Variants in COL22A1 observed in about 807,000 individuals in gnomAD.
COL22A1 encodes the protein collagen alpha-1(XXII) chain.
Under a neutral mutation model 248.9 loss-of-function variants are expected in COL22A1, and 221 were observed. That is an observed-to-expected ratio of 0.89 (90% CI 0.80 to 0.99). The LOEUF (loss-of-function observed/expected upper bound fraction) is 0.99, where lower values mean the gene tolerates loss of function less well. Ranked by LOEUF, COL22A1 falls within the 50% of genes least tolerant of loss-of-function variation. The pLI, the probability that COL22A1 is intolerant of heterozygous loss-of-function variation, is 0.00. For synonymous variants in COL22A1, 891 were observed against 793.4 expected (o/e 1.12, Z -2.07); for missense variants, 2,240 against 2,179.0 (o/e 1.03, Z -0.56).
Position 138,762,401 on chromosome 8 carries a change from G to A in COL22A1, c.1857+12C>T. On this transcript the variant is annotated intron_variant, in intron 17 of 64. Transcript: ENST00000303045. ...GATGAAACCTAGCCCAACAGCGCCA[G>A]CACCCACCTACCTGCTGTCCTGTGT... 6.2e-7 allele frequency: 1 copy of A among 1,613,794 alleles called. No individual in the cohort carries two copies. The highest frequency in any genetic ancestry group is 8.5e-7 in the Non-Finnish European group (1 of 1,179,770).
At chr8:138,593,281 C>A (rs1298310343) in intron 63 of COL22A1, among the ~76,000 whole-genome samples, 2 of 151,978 alleles carry the variant, frequency 1.3e-5, no homozygotes, top group African/African-American at 4.8e-5. Context: ...GGGCTTTAAA[C>A]CTAGATGACG....
At chr8:138,628,939 G>A (rs1415839515) in intron 50 of COL22A1, among the ~76,000 whole-genome samples, 2 of 151,716 alleles carry the variant, frequency 1.3e-5, no homozygotes, top group Non-Finnish European at 2.9e-5. Context: ...CTAATTTTTT[G>A]TATTTTTAGT....
At chr8:138,769,584 C>T (rs988438604) in intron 16 of COL22A1, among the ~76,000 whole-genome samples, 1 of 152,162 alleles carries the variant, frequency 6.6e-6, no homozygotes, top group African/African-American at 2.4e-5. Context: ...AGGAGCAGCA[C>T]ATCCTAAGGT....
chr8:138,693,514 C>A, intron 35 of COL22A1, 132 bp downstream of exon 35: 4 of 882,204 alleles, frequency 4.5e-6, no homozygotes, highest in South Asian at 4.4e-5. Context: ...ACCAACCACT[C>A]AAGTGTGGGT....
intron 13 of COL22A1, 131 bp from the exon 14 acceptor site, chr8:138,779,693 A>G (rs1814787284): frequency 1.6e-6 from 1 of 644,976 alleles, no homozygotes; most frequent in Non-Finnish European, 2.8e-6. Context: ...GGTAGCCACC[A>G]GTGAGCAGGG....
chr8:138,845,635 T>C (rs1051738577), intron 3 of COL22A1, among the ~76,000 whole-genome samples: 1 of 152,170 alleles, frequency 6.6e-6, no homozygotes, highest in Non-Finnish European at 1.5e-5. Flanking sequence ...GCTGAGTCCA[T>C]GCTGACTACA....
chr8:138,740,391 C>A (rs562311481), intron 22 of COL22A1, among the ~76,000 whole-genome samples: 1 of 152,128 alleles, frequency 6.6e-6, no homozygotes, highest in Admixed American at 6.5e-5. Flanking sequence ...CCGTTGTGGT[C>A]GGGGGATGAA....
At chr8:138,785,734 A>G (rs978566173) in intron 12 of COL22A1, among the ~76,000 whole-genome samples, 5 of 152,110 alleles carry the variant, frequency 3.3e-5, no homozygotes, top group Non-Finnish European at 7.4e-5. Context: ...GGTTCTTTCA[A>G]ATAGATGCCC....
intron 45 of COL22A1, 93 bp from the exon 46 acceptor site, chr8:138,649,871 AGATG>A: frequency 1.4e-6 from 1 of 723,646 alleles, no homozygotes; most frequent in South Asian, 2.0e-5. Flanking sequence ...CTATCTCTCC[AGATG>A]GAGATTTGGT....
chr8:138,595,691 T>C (rs1286140505), intron 62 of COL22A1, among the ~76,000 whole-genome samples: 1 of 151,942 alleles, frequency 6.6e-6, no homozygotes, highest in East Asian at 1.9e-4. Flanking sequence ...CCCTGGACAC[T>C]CCAAGAGGAC....
intron 23 of COL22A1, among the ~76,000 whole-genome samples, chr8:138,727,399 G>A (rs1830396994): frequency 6.6e-6 from 1 of 152,138 alleles, no homozygotes; most frequent in Non-Finnish European, 1.5e-5. Flanking sequence ...AGATCCTCGA[G>A]GGCAGGCCCT....
intron 56 of COL22A1, among the ~76,000 whole-genome samples, chr8:138,608,243 G>A (rs1007852053): frequency 6.6e-6 from 1 of 152,174 alleles, no homozygotes; most frequent in African/African-American, 2.4e-5. Context: ...CCTGGTGAAT[G>A]GTGCCCACAG....
At chr8:138,626,680 G>A (rs983377715) in intron 50 of COL22A1, among the ~76,000 whole-genome samples, 1 of 152,150 alleles carries the variant, frequency 6.6e-6, no homozygotes, top group African/African-American at 2.4e-5. Flanking sequence ...GTACACAAGT[G>A]GGGAGCTGAC....
At chr8:138,772,111 C>T (rs1219037862) in intron 16 of COL22A1, among the ~76,000 whole-genome samples, 5 of 152,134 alleles carry the variant, frequency 3.3e-5, no homozygotes, top group Non-Finnish European at 5.9e-5. Context: ...TAAACCCACC[C>T]GCACATCGCC....
At chr8:138,620,571 T>C (rs10105805) in intron 52 of COL22A1, 4 of 152,036 alleles carry the variant, frequency 2.6e-5, no homozygotes, top group African/African-American at 9.7e-5. Context: ...GTCTTTGTGA[T>C]AGAGGGTGTA....
intron 22 of COL22A1, among the ~76,000 whole-genome samples, chr8:138,746,434 A>G (rs1429892039): frequency 6.6e-6 from 1 of 152,260 alleles, no homozygotes; most frequent in Non-Finnish European, 1.5e-5. Flanking sequence ...TGACTCAGCT[A>G]GAGAGCGACT....
At chr8:138,711,727 G>C (rs1828983501) in intron 30 of COL22A1, among the ~76,000 whole-genome samples, 1 of 152,160 alleles carries the variant, frequency 6.6e-6, no homozygotes, top group South Asian at 2.1e-4. Flanking sequence ...CGCAGAAAAA[G>C]ATCTGGAAAT....
rs1477956485 is a variant in COL22A1, at chr8:138,685,458, T to C, written c.2863-146A>G. On this transcript the variant is annotated intron_variant, in intron 37 of 64. Coordinates refer to ENST00000303045, the MANE Select transcript of COL22A1 (RefSeq NM_152888.3). ...CCATGCTTTCTGGGACACAGAAAGA[T>C]GGACTGTGTAATGTGTGTTATAGGT... The C allele has an allele frequency of 1.4e-5, 10 of 711,844 alleles. 1 individual carries two copies. Among genetic ancestry groups the C allele is most frequent in the South Asian group, 4.9e-5 (3 of 61,032 alleles). The allele number at this position is 711,844 out of a possible 1,614,324, so 44.1% of individuals were successfully genotyped here.
chr8:138,628,843 G>A (rs1820476320), intron 50 of COL22A1, among the ~76,000 whole-genome samples: 1 of 144,356 alleles, frequency 6.9e-6, no homozygotes, highest in African/African-American at 2.7e-5. Flanking sequence ...TCGGCTTACT[G>A]CAATCTCCAC....
Sources: allele counts gnomAD v4.1 joint callset (sites outside exome capture counted in the v4.1 genomes callset), GRCh38; gene constraint gnomAD v4.1.1; transcripts MANE v1.5; gene names NCBI Gene and HGNC (gene_info 2026-07-23, HGNC 2026-07-21).